The following SLC6A16 variants were observed in gnomAD, a reference collection of about 807,000 sequenced individuals.
SLC6A16 encodes the protein orphan sodium- and chloride-dependent neurotransmitter transporter NTT5.
Under a neutral mutation model 65.4 loss-of-function variants are expected in SLC6A16, and 54 were observed. The ratio of observed to expected loss-of-function variants is 0.83; its 90% CI spans 0.66 to 1.04. The LOEUF (loss-of-function observed/expected upper bound fraction) is 1.04, where lower values mean the gene tolerates loss of function less well. Ranked by LOEUF, SLC6A16 falls within the 50% of genes least tolerant of loss-of-function variation. SLC6A16 has a pLI of 0.00. For synonymous variants in SLC6A16, 330 were observed against 346.5 expected, an observed-to-expected ratio of 0.95 and a Z score of 0.53; for missense variants, 816 against 914.0, an observed-to-expected ratio of 0.89 and a Z score of 1.38.
intron 7 of SLC6A16, among the ~76,000 whole-genome samples, chr19:49,305,005 T>A (rs1162991485): frequency 6.6e-6 from 1 of 152,226 alleles, no homozygotes; most frequent in Non-Finnish European, 1.5e-5. Flanking sequence ...GTAGATTGAA[T>A]AAATACAGCC....
chr19:49,326,880 G>A (rs1035966845), upstream of SLC6A16, among the ~76,000 whole-genome samples: 2 of 151,844 alleles, frequency 1.3e-5, no homozygotes, highest in African/African-American at 4.8e-5. Flanking sequence ...CGAGCCAGGT[G>A]TGGTGGTGCA....
the SLC6A16 span, chr19:49,337,078 C>T: frequency 6.2e-7 from 1 of 1,614,000 alleles, no homozygotes; most frequent in Non-Finnish European, 8.5e-7. Context: ...CTCCTATCCC[C>T]ACCCTCAAAA....
chr19:49,337,049 C>T, the SLC6A16 span: 10 of 1,613,018 alleles, frequency 6.2e-6, no homozygotes, highest in Non-Finnish European at 7.6e-6. Flanking sequence ...TGCACCATCC[C>T]TCTCCGTCCC....
At chr19:49,328,739 A>G (rs540944458), upstream of SLC6A16, among the ~76,000 whole-genome samples, 3 of 152,380 alleles carry the variant, frequency 2.0e-5, no homozygotes, top group East Asian at 1.9e-4. Flanking sequence ...TCCAATGAAC[A>G]TAAGTAATGG....
At chr19:49,314,801 T>C (rs1227425361) in intron 1 of SLC6A16, among the ~76,000 whole-genome samples, 1 of 152,176 alleles carries the variant, frequency 6.6e-6, no homozygotes, top group African/African-American at 2.4e-5. Context: ...CAAATCTAAA[T>C]TGAAGTACAT....
chr19:49,316,718 A>C (rs1970617749), intron 1 of SLC6A16, among the ~76,000 whole-genome samples: 1 of 152,102 alleles, frequency 6.6e-6, no homozygotes. Context: ...GCAATACAAG[A>C]ACAAGAATGA....
intron 7 of SLC6A16, among the ~76,000 whole-genome samples, chr19:49,298,267 C>T (rs1199449290): frequency 6.6e-6 from 1 of 152,080 alleles, no homozygotes; most frequent in African/African-American, 2.4e-5. Flanking sequence ...TAAGTGGGAT[C>T]CAATTAAACT....
chr19:49,306,781 A>T (rs944131767), intron 7 of SLC6A16, among the ~76,000 whole-genome samples: 1 of 152,066 alleles, frequency 6.6e-6, no homozygotes, highest in Non-Finnish European at 1.5e-5. Context: ...TGACCTCGTG[A>T]TCCATCTGCC....
the SLC6A16 span, chr19:49,337,735 C>G: frequency 6.5e-7 from 1 of 1,535,930 alleles, no homozygotes; most frequent in Non-Finnish European, 8.7e-7. Context: ...AAAGAAGAGA[C>G]AGAGACTTAT....
chr19:49,294,667 G>A, intron 7 of SLC6A16, 114 bp from the exon 8 acceptor site: 1 of 984,756 alleles, frequency 1.0e-6, no homozygotes. Flanking sequence ...TACTGATCTG[G>A]GTAAGATAGA....
At chr19:49,338,009 T>C in the SLC6A16 span, 1 of 1,613,986 alleles carries the variant, frequency 6.2e-7, no homozygotes, top group East Asian at 2.2e-5. The surrounding 1 kb of genome is among the most constrained non-coding windows in gnomAD (Gnocchi z 5.0). Context: ...CGAGGAGAGC[T>C]GGGACTATGT....
chr19:49,320,475 GA>G (rs1970692937), intron 1 of SLC6A16, among the ~76,000 whole-genome samples: 1 of 147,716 alleles, frequency 6.8e-6, no homozygotes, highest in Non-Finnish European at 1.5e-5. Flanking sequence ...TAAAACTTAA[GA>G]AACTAGAAAA....
chr19:49,294,028 C>T lies in SLC6A16; in HGVS notation c.1417G>A (p.Ala473Thr). 6.2e-7 allele frequency: 1 copy of T among 1,609,694 alleles called. No individual in the cohort carries two copies. The highest frequency in any genetic ancestry group is 8.5e-7 in the Non-Finnish European group (1 of 1,179,656). The change falls in exon 9 of 12, where the codon GCT becomes ACT. Residue 473 changes from alanine (A) to threonine (T), a missense_variant and splice_region_variant. Ala to Thr is a moderately conservative substitution (Grantham distance 58, BLOSUM62 0). Coordinates refer to ENST00000335875, the MANE Select transcript of SLC6A16 (RefSeq NM_014037.3). ...AATGCAAACTTTGGGCCCTCGCTAGCCTGCAAAGAGAACAAAGAGGTGTTA... is the reference window on the plus strand; with the variant it reads ...AATGCAAACTTTGGGCCCTCGCTAGTCTGCAAAGAGAACAAAGAGGTGTTA... ...ECNIETQFLK[A>T]SEGPKFAFLS...
intron 6 of SLC6A16, 56 bp from the exon 7 acceptor site, chr19:49,309,173 T>C: frequency 1.2e-6 from 2 of 1,605,100 alleles, no homozygotes; most frequent in Non-Finnish European, 8.5e-7. Context: ...AGAGGACAAC[T>C]ATAATAGAAA....
At chr19:49,318,420 C>T (rs1379750397) in intron 1 of SLC6A16, among the ~76,000 whole-genome samples, 1 of 152,078 alleles carries the variant, frequency 6.6e-6, no homozygotes, top group African/African-American at 2.4e-5. Flanking sequence ...AGTAACTTAA[C>T]TGCCTGTCAC....
At chr19:49,339,268 C>G in the SLC6A16 span, 1 of 1,472,890 alleles carries the variant, frequency 6.8e-7, no homozygotes, top group Non-Finnish European at 9.4e-7. This position sits in a 1 kb window ranked among gnomAD's most constrained non-coding sequence, Gnocchi z 4.5. Context: ...CTGAAAAGAA[C>G]GCTGGGCCTG....
At chr19:49,306,595 T>C (rs1253816033) in intron 7 of SLC6A16, among the ~76,000 whole-genome samples, 1 of 149,778 alleles carries the variant, frequency 6.7e-6, no homozygotes, top group Admixed American at 6.7e-5. Flanking sequence ...CCAGGTGGAA[T>C]GCAGTGGCAC....
At chr19:49,295,185 T>G (rs984117052) in intron 7 of SLC6A16, among the ~76,000 whole-genome samples, 8 of 151,792 alleles carry the variant, frequency 5.3e-5, no homozygotes, top group Non-Finnish European at 7.4e-5. Context: ...ATCGAGACCA[T>G]CCTGGCCAAC....
At chr19:49,336,082 C>A in the SLC6A16 span, 1 of 472,112 alleles carries the variant, frequency 2.1e-6, no homozygotes. Flanking sequence ...GAGGGGAAGC[C>A]CCTTGATGGA....
Sources: allele counts gnomAD v4.1 joint callset (sites outside exome capture counted in the v4.1 genomes callset), GRCh38; gene constraint gnomAD v4.1.1; non-coding constraint Gnocchi (gnomAD v3.1); transcripts MANE v1.5; gene names NCBI Gene and HGNC (gene_info 2026-07-23, HGNC 2026-07-21).